Variants in DDX10 observed in about 807,000 individuals in gnomAD.
DDX10 encodes DEAD-box helicase 10.
DDX10 carries 74 observed loss-of-function variants against 104.3 expected under a neutral mutation model. The ratio of observed to expected loss-of-function variants is 0.71; its 90% CI spans 0.59 to 0.86. The LOEUF (loss-of-function observed/expected upper bound fraction) is 0.86. DDX10 is among the 40% of genes least tolerant of loss of function. The pLI, the probability that DDX10 is intolerant of heterozygous loss-of-function variation, is 0.00. For synonymous variants in DDX10, 351 were observed against 353.4 expected (o/e 0.99, Z 0.08); for missense variants, 952 against 1,040.0 (o/e 0.92, Z 1.16).
intron 13 of DDX10, among the ~76,000 whole-genome samples, chr11:108,824,321 G>A (rs967271680): frequency 1.8e-4 from 28 of 152,176 alleles, no homozygotes; most frequent in Admixed American, 1.3e-4. Context: ...ATGAGCCACC[G>A]CACCTGTCCT....
In DDX10 at chr11:108,723,346, A is replaced by G; in HGVS notation, c.1849A>G (p.Lys617Glu). ...TAACACCAGTGAGGCACAGAAGATCAAGGAAGTTCCTACACAGTTCTTGGA... is the reference window on the plus strand; with the variant it reads ...TAACACCAGTGAGGCACAGAAGATCGAGGAAGTTCCTACACAGTTCTTGGA... The part of the protein sequence containing the change: ...LPNTSEAQKI[K>E]EVPTQFLDRD... The change falls in exon 13 of 18, where the codon AAG becomes GAG. Residue 617 changes from lysine to glutamate, a missense_variant. Transcript: ENST00000322536. The G allele has an allele frequency of 6.2e-7, 1 of 1,613,840 alleles. No homozygotes were observed. Among genetic ancestry groups the G allele is most frequent in the Non-Finnish European group, 8.5e-7 (1 of 1,179,798 alleles).
chr11:108,705,605 GTTTCTT>G, intron 9 of DDX10, among the ~76,000 whole-genome samples: 1 of 152,202 alleles, frequency 6.6e-6, no homozygotes, highest in East Asian at 1.9e-4. Context: ...TTCATCTTCT[GTTTCTT>G]TATGTTCTTT....
rs532249093 is a variant in DDX10, at chr11:108,862,838, T to C, written c.2304+10629T>C. 1.3e-4 allele frequency among the ~76,000 whole-genome samples: 20 copies of C among 152,264 alleles called. No homozygotes were observed. In the East Asian group the frequency reaches 3.7e-3, roughly 28 times the overall value. ...TGATAGGACACTAAGAGCTATTGAA[T>C]TGGCATTTATTTAGAATAAAGGAAC... On this transcript the variant is annotated intron_variant, in intron 16 of 17. Coordinates refer to ENST00000322536, the MANE Select transcript of DDX10 (RefSeq NM_004398.4).
intron 13 of DDX10, among the ~76,000 whole-genome samples, chr11:108,809,244 T>C (rs1248140394): frequency 6.6e-6 from 1 of 152,008 alleles, no homozygotes; most frequent in Non-Finnish European, 1.5e-5. Context: ...CGTATCGCAG[T>C]GGATTGAGAG....
Position 108,760,681 on chromosome 11 carries a change from T to TG in DDX10, c.1965+37219_1965+37220insG, listed in dbSNP as rs560135528. Among the ~76,000 whole-genome samples the TG allele has an allele frequency of 7.2e-5, 11 of 151,926 alleles. No homozygotes were observed. The South Asian group carries it at 2.3e-3, about 32-fold the overall frequency. ...TCATGTACAACATAACACTGTTTTTTTTTTTTTTTTTAAATTGGACTTCAG... is the reference window on the plus strand; with the variant it reads ...TCATGTACAACATAACACTGTTTTTTGTTTTTTTTTTTAAATTGGACTTCAG... On this transcript the variant is annotated intron_variant, in intron 13 of 17. Transcript: ENST00000322536.
chr11:108,927,105 CA>C (rs906153159), intron 17 of DDX10, among the ~76,000 whole-genome samples: 5 of 152,182 alleles, frequency 3.3e-5, no homozygotes, highest in African/African-American at 1.2e-4. Flanking sequence ...AGCTTCCTTG[CA>C]GCTTTATCAG....
At chr11:108,780,692 CT>C (rs1285699639) in intron 13 of DDX10, among the ~76,000 whole-genome samples, 1 of 152,120 alleles carries the variant, frequency 6.6e-6, no homozygotes, top group Non-Finnish European at 1.5e-5. Flanking sequence ...TACTCAAGCA[CT>C]TTATTAATGT....
intron 16 of DDX10, chr11:108,860,969 A>AAG (rs1157480581): frequency 6.6e-6 from 1 of 152,178 alleles, no homozygotes; most frequent in East Asian, 1.9e-4. Flanking sequence ...TAAGTTTCCT[A>AAG]CTGTGCTAGT....
intron 13 of DDX10, among the ~76,000 whole-genome samples, chr11:108,778,859 A>G (rs2094373871): frequency 6.6e-6 from 1 of 152,228 alleles, no homozygotes; most frequent in African/African-American, 2.4e-5. Context: ...AGTCAACCCC[A>G]TCAAAAAATG....
intron 11 of DDX10, among the ~76,000 whole-genome samples, chr11:108,716,220 C>T (rs770187101): frequency 2.6e-5 from 4 of 152,030 alleles, no homozygotes; most frequent in South Asian, 2.1e-4. Flanking sequence ...CTCAGCCTCC[C>T]GGGTAGCTGG....
chr11:108,886,177 A>C (rs1214619412), intron 16 of DDX10, among the ~76,000 whole-genome samples: 1 of 152,206 alleles, frequency 6.6e-6, no homozygotes, highest in African/African-American at 2.4e-5. Context: ...TGATATCTGC[A>C]TACCACTTGT....
At chr11:108,839,338 G>A (rs1355497906) in intron 14 of DDX10, among the ~76,000 whole-genome samples, 1 of 152,012 alleles carries the variant, frequency 6.6e-6, no homozygotes, top group Non-Finnish European at 1.5e-5. Flanking sequence ...CTCTCACCCT[G>A]CCTCACTTTT....
intron 13 of DDX10, among the ~76,000 whole-genome samples, chr11:108,781,794 T>G (rs2094378424): frequency 2.0e-5 from 3 of 152,164 alleles, no homozygotes; most frequent in Admixed American, 6.5e-5. Flanking sequence ...GTTTTGTTTT[T>G]TTTTTCTGGT....
rs905635810 is a variant in DDX10 at position 108,691,879 on chromosome 11, CAGTATCTGTACCG to C, written c.983_995del (p.Tyr328CysfsTer21). The C allele has an allele frequency of 9.9e-6, 16 of 1,612,056 alleles. No individual in the cohort carries two copies. Among genetic ancestry groups the C allele is most frequent in the Non-Finnish European group, 1.4e-5 (16 of 1,179,326 alleles). ...TATTCTTCTGTTGATGCCCCAGGTC[CAGTATCTGTACCG>C]AGTGTTTTGCCGGCTACGTCCTGGT... On this transcript the variant is annotated frameshift_variant, in exon 8 of 18. Transcript: ENST00000322536. LOFTEE classifies it high-confidence loss of function.
intron 9 of DDX10, among the ~76,000 whole-genome samples, chr11:108,694,297 A>G (rs2094256741): frequency 6.6e-6 from 1 of 152,196 alleles, no homozygotes; most frequent in African/African-American, 2.4e-5. Context: ...AGGTGAGGAA[A>G]CTGAATCTTT....
chr11:108,751,819 A>AGATTTAG (rs1367865392), intron 13 of DDX10, among the ~76,000 whole-genome samples: 11 of 152,208 alleles, frequency 7.2e-5, no homozygotes, highest in Admixed American at 7.2e-4. Context: ...TCGACTGTAT[A>AGATTTAG]ACTGTCTTTC....
intron 3 of DDX10, chr11:108,675,943 CT>C: frequency 1.8e-6 from 1 of 552,102 alleles, no homozygotes. Context: ...CACTCAATAA[CT>C]TACTGAATGA....
intron 1 of DDX10, among the ~76,000 whole-genome samples, chr11:108,668,200 A>G (rs1293383247): frequency 6.6e-6 from 1 of 152,192 alleles, no homozygotes; most frequent in South Asian, 2.1e-4. Context: ...AATTGTTCCC[A>G]TTATACAGGT....
intron 13 of DDX10, among the ~76,000 whole-genome samples, chr11:108,748,483 G>A (rs1321343870): frequency 6.6e-6 from 1 of 152,144 alleles, no homozygotes; most frequent in African/African-American, 2.4e-5. Flanking sequence ...ATATTCATTC[G>A]TTAGTTCACG....
Sources: allele counts gnomAD v4.1 joint callset (sites outside exome capture counted in the v4.1 genomes callset), GRCh38; gene constraint gnomAD v4.1.1; transcripts MANE v1.5; gene names NCBI Gene and HGNC (gene_info 2026-07-23, HGNC 2026-07-21).